ACTN2: variants seen among roughly 807,000 people sequenced by gnomAD.
ACTN2 encodes actinin alpha 2, also known as alpha-actinin-2.
A neutral mutation model predicts 113.8 loss-of-function variants in ACTN2; 39 were observed. That is an observed-to-expected ratio of 0.34 (90% CI 0.27 to 0.45). The LOEUF (loss-of-function observed/expected upper bound fraction) is 0.45, where lower values mean the gene tolerates loss of function less well. ACTN2 is among the 20% of genes least tolerant of loss of function. ACTN2 has a pLI of 1.00. For synonymous variants in ACTN2, 429 were observed against 444.1 expected (o/e 0.97, Z 0.43); for missense variants, 992 against 1,177.9 (o/e 0.84, Z 2.31).
At chr1:236,743,547 C>T (rs757649915) in intron 11 of ACTN2, among the ~76,000 whole-genome samples, 177 of 151,206 alleles carry the variant, frequency 1.2e-3, no homozygotes, top group Non-Finnish European at 2.0e-3. Context: ...ATGCCGGTTT[C>T]CATAGACATA....
rs756510554 is a variant in ACTN2, at chr1:236,741,983, G to A, written c.1108-913G>A. Among the ~76,000 whole-genome samples the A allele has an allele frequency of 3.3e-5, 5 of 152,054 alleles. No individual in the cohort carries two copies. In the South Asian group the frequency reaches 6.2e-4, roughly 19 times the overall value. ...ACACCCCCTGCCTGCCGTCCTTCCC[G>A]CACGCACAGCACATCCCCTCTTGGG... is the stretch of plus-strand genomic sequence containing the variant. On this transcript the variant is annotated intron_variant, in intron 10 of 20. Coordinates refer to ENST00000366578, the MANE Select transcript of ACTN2 (RefSeq NM_001103.4).
chr1:236,726,220 A>G (rs1037434513), intron 5 of ACTN2, among the ~76,000 whole-genome samples, 200 bp downstream of exon 5: 4 of 152,228 alleles, frequency 2.6e-5, no homozygotes, highest in Admixed American at 6.5e-5. Context: ...GCTGGTAAAC[A>G]GCACTGTATT....
chr1:236,762,429 C>G (rs1659733608), intron 20 of ACTN2, 32 bp from the exon 21 acceptor site: 6 of 1,613,464 alleles, frequency 3.7e-6, no homozygotes, highest in Non-Finnish European at 4.2e-6. Context: ...GTTTCTGCAA[C>G]TGACTGCAAA....
chr1:236,689,768 C>T (rs907030094), intron 1 of ACTN2, among the ~76,000 whole-genome samples: 1 of 152,208 alleles, frequency 6.6e-6, no homozygotes, highest in South Asian at 2.1e-4. Context: ...GGGACCTCTT[C>T]AGTGGACTGT....
chr1:236,713,341 C>A (rs1169219368), intron 1 of ACTN2, among the ~76,000 whole-genome samples: 1 of 152,012 alleles, frequency 6.6e-6, no homozygotes. Context: ...AATTCTTCTG[C>A]CTCAGCCTCC....
At chr1:236,715,595 A>G (rs1024736750) in intron 1 of ACTN2, among the ~76,000 whole-genome samples, 3 of 152,098 alleles carry the variant, frequency 2.0e-5, no homozygotes, top group African/African-American at 7.2e-5. Context: ...TTTTATTTTA[A>G]TTAGTCTAAG....
chr1:236,757,412 GT>G, intron 17 of ACTN2, 73 bp from the exon 18 acceptor site: 1 of 1,588,672 alleles, frequency 6.3e-7, no homozygotes, highest in South Asian at 1.1e-5. Flanking sequence ...CGGCTGTACT[GT>G]TATGAAAGTA....
chr1:236,758,253 AAGTG>A (rs1471425228), intron 18 of ACTN2, among the ~76,000 whole-genome samples: 2 of 151,782 alleles, frequency 1.3e-5, no homozygotes, highest in African/African-American at 4.8e-5. Context: ...CTGTGGCTGG[AAGTG>A]AGTGACTATT....
rs772603249 is a variant in ACTN2 at position 236,761,130 on chromosome 1, C to T, written c.2483C>T (p.Ala828Val). 6.8e-6 allele frequency: 11 copies of T among 1,614,166 alleles called. 1 individual carries two copies. In the South Asian group the frequency reaches 1.2e-4, roughly 18 times the overall value. ...AGAGAGACGGCTGACACCGACACTG[C>T]CGAGCAGGTCATCGCCTCCTTCCGG... ...MTRETADTDT[A>V]EQVIASFRIL... The change falls in exon 20 of 21, where the codon GCC becomes GTC. Residue 828 changes from alanine to valine, a missense_variant. By Grantham distance (64) the Ala-to-Val change is moderately conservative. Transcript: ENST00000366578.
Position 236,761,060 on chromosome 1 carries a change from G to A in ACTN2, c.2413G>A (p.Gly805Arg), listed in dbSNP as rs769239899. ...CATTATGACCCTGGTAGATCCCAAC[G>A]GGCAAGGCACCGTCACCTTCCAATC... is the stretch of plus-strand genomic sequence containing the variant. ...ARIMTLVDPNGQGTVTFQSFI... is the reference protein window; with the variant it reads ...ARIMTLVDPNRQGTVTFQSFI... Residue 805 changes from glycine (G) to arginine (R), a missense_variant, in exon 20 of 21, where the codon GGG becomes AGG. By Grantham distance (125) the Gly-to-Arg change is moderately radical. Coordinates refer to ENST00000366578, the MANE Select transcript of ACTN2 (RefSeq NM_001103.4). 9.3e-6 allele frequency: 15 copies of A among 1,613,984 alleles called. No individual in the cohort carries two copies. The highest frequency in any genetic ancestry group is 4.5e-5 in the East Asian group (2 of 44,890).
intron 1 of ACTN2, among the ~76,000 whole-genome samples, chr1:236,692,835 CTTAA>C (rs1666134733): frequency 6.6e-6 from 1 of 152,068 alleles, no homozygotes; most frequent in Non-Finnish European, 1.5e-5. Context: ...AGCAGGGAAA[CTTAA>C]TTAACGCAGC....
intron 6 of ACTN2, 104 bp from the exon 7 acceptor site, chr1:236,731,129 G>A: frequency 1.3e-6 from 1 of 796,566 alleles, no homozygotes; most frequent in Non-Finnish European, 2.2e-6. Flanking sequence ...ATTGTGTGTG[G>A]GTGGGAAGGT....
chr1:236,734,399 C>T, intron 7 of ACTN2: 1 of 1,449,392 alleles, frequency 6.9e-7, no homozygotes. Context: ...GGTATTAGAA[C>T]ATCCACGCGG....
chr1:236,750,200 T>C (rs36063978), intron 14 of ACTN2, among the ~76,000 whole-genome samples: 19,129 of 152,088 alleles, frequency 0.13, 1,345 homozygotes, highest in East Asian at 0.23. Context: ...AAAGAGAAAA[T>C]ACTTTTTACT....
chr1:236,716,466 C>G (rs1360675333), intron 1 of ACTN2, among the ~76,000 whole-genome samples: 1 of 152,100 alleles, frequency 6.6e-6, no homozygotes, highest in Non-Finnish European at 1.5e-5. Flanking sequence ...TTAAAAGAAG[C>G]TGGAAAAATA....
At chr1:236,747,541 G>A (rs1303998166) in intron 12 of ACTN2, 126 bp from the exon 13 acceptor site, 51 of 817,618 alleles carry the variant, frequency 6.2e-5, no homozygotes, top group South Asian at 2.7e-4. Flanking sequence ...CACTCTCTAT[G>A]TCCATGTGGA....
intron 1 of ACTN2, 121 bp downstream of exon 1, chr1:236,686,920 G>A (rs1032549575): frequency 1.8e-6 from 2 of 1,129,910 alleles, no homozygotes; most frequent in Admixed American, 4.5e-5. Context: ...GTGCTGTGCT[G>A]TCCTGTGCCC....
chr1:236,756,968 G>T (rs375660382), intron 17 of ACTN2, among the ~76,000 whole-genome samples: 49 of 6,890 alleles, frequency 7.1e-3, no homozygotes, highest in East Asian at 0.02. Context: ...TACTGCAGAG[G>T]GCCCGCTGCC....
At chr1:236,709,478 G>T (rs1325252747) in intron 1 of ACTN2, among the ~76,000 whole-genome samples, 2 of 150,846 alleles carry the variant, frequency 1.3e-5, no homozygotes, top group Non-Finnish European at 2.9e-5. Context: ...ATGACTGCAG[G>T]CTGGACCGAG....
Sources: gnomAD v4.1 joint callset for allele counts (sites outside exome capture counted in the v4.1 genomes callset) on GRCh38, gnomAD v4.1.1 for gene constraint, MANE v1.5 for transcripts, NCBI Gene and HGNC (gene_info 2026-07-23, HGNC 2026-07-21) for gene names.